The following NTM variants were observed in gnomAD, a reference collection of about 807,000 sequenced individuals.
NTM encodes the protein neurotrimin.
In NTM, 13 loss-of-function variants were observed where a neutral mutation model predicts 42.1. That is an observed-to-expected ratio of 0.31 (90% confidence interval 0.20 to 0.49). NTM has a LOEUF of 0.49. Ranked by LOEUF, NTM falls within the 20% of genes least tolerant of loss-of-function variation. The probability of loss-of-function intolerance (pLI) is 0.99; values close to 1 mark genes in which losing one functional copy is unlikely to be tolerated. For missense variants in NTM, 373 were observed against 452.8 expected, an observed-to-expected ratio of 0.82 and a Z score of 1.60; for synonymous variants, 187 against 179.2, an observed-to-expected ratio of 1.04 and a Z score of -0.35.
At chr11:131,537,425 T>C (rs2052444983) in intron 1 of NTM, 1 of 152,174 alleles carries the variant, frequency 6.6e-6, no homozygotes, top group Non-Finnish European at 1.5e-5. Flanking sequence ...GCGCAGGGTA[T>C]AAGCAACTTG....
chr11:131,928,130 TA>T (rs1854769230), intron 2 of NTM, among the ~76,000 whole-genome samples: 1 of 152,026 alleles, frequency 6.6e-6, no homozygotes, highest in African/African-American at 2.4e-5. Context: ...ATATTAATAA[TA>T]ACAACAGAAA....
intron 1 of NTM, among the ~76,000 whole-genome samples, chr11:131,384,014 T>C (rs1943016424): frequency 6.6e-6 from 1 of 152,078 alleles, no homozygotes; most frequent in Admixed American, 6.5e-5. Flanking sequence ...GGATAAGTAA[T>C]AAAGAAAGTG....
At chr11:132,049,989 T>C (rs1235246909) in intron 2 of NTM, among the ~76,000 whole-genome samples, 1 of 152,120 alleles carries the variant, frequency 6.6e-6, no homozygotes, top group Non-Finnish European at 1.5e-5. Flanking sequence ...ATGCAGTGTC[T>C]CTCTCCCAGC....
At chr11:132,147,794 A>G (rs1189236183) in intron 3 of NTM, among the ~76,000 whole-genome samples, 2 of 152,098 alleles carry the variant, frequency 1.3e-5, no homozygotes, top group Non-Finnish European at 2.9e-5. Flanking sequence ...CGGTGTGTTC[A>G]AGAAAAGGGT....
chr11:132,223,276 C>T (rs2085524647), intron 4 of NTM, among the ~76,000 whole-genome samples: 1 of 152,180 alleles, frequency 6.6e-6, no homozygotes, highest in African/African-American at 2.4e-5. Context: ...AGAAAATCAA[C>T]ACATGGCTGA....
chr11:131,874,218 G>A (rs1011206564), intron 1 of NTM, among the ~76,000 whole-genome samples: 2 of 150,974 alleles, frequency 1.3e-5, no homozygotes, highest in South Asian at 2.1e-4. Context: ...CACCTCTCCT[G>A]CACACAAATG....
At chr11:131,638,858 C>G (rs1454466903) in intron 1 of NTM, among the ~76,000 whole-genome samples, 1 of 150,894 alleles carries the variant, frequency 6.6e-6, no homozygotes, top group Non-Finnish European at 1.5e-5. Context: ...TCCCTGTACA[C>G]CATATGAAAA....
chr11:132,105,997 T>G (rs2062326600), intron 2 of NTM, among the ~76,000 whole-genome samples: 1 of 152,188 alleles, frequency 6.6e-6, no homozygotes, highest in Non-Finnish European at 1.5e-5. Flanking sequence ...AGCTTAAACC[T>G]AAGTCAATTT....
rs111564689 is a variant in NTM at position 131,568,549 on chromosome 11, G to A, written c.82+197661G>A. Reference sequence around the variant, plus strand: ...AGAGACCTTTGCATAGTTTTGATTGGTCAGATGTGAAAAGAGGGTAGTCTT... The same window carrying A: ...AGAGACCTTTGCATAGTTTTGATTGATCAGATGTGAAAAGAGGGTAGTCTT... On this transcript the variant is annotated intron_variant, in intron 1 of 8. Coordinates refer to ENST00000683400, the MANE Select transcript of NTM (RefSeq NM_001352005.2). 5.4e-3 allele frequency among the ~76,000 whole-genome samples: 825 copies of A among 152,220 alleles called. 4 individuals carry two copies. The highest frequency in any genetic ancestry group is 9.0e-3 in the Non-Finnish European group (612 of 68,016).
At chr11:132,259,786 G>T (rs1203472567) in intron 4 of NTM, among the ~76,000 whole-genome samples, 2 of 151,962 alleles carry the variant, frequency 1.3e-5, no homozygotes, top group African/African-American at 4.8e-5. Flanking sequence ...GTCTCTCTCT[G>T]TCGCCCAGGC....
At chr11:131,950,040 A>G (rs1297029832) in intron 2 of NTM, among the ~76,000 whole-genome samples, 1 of 152,114 alleles carries the variant, frequency 6.6e-6, no homozygotes, top group African/African-American at 2.4e-5. Flanking sequence ...GCTTGACCAT[A>G]TTCAGTGAAT....
chr11:131,370,765 C>T lies in NTM; in HGVS notation c.-42C>T, dbSNP rs754900198. ...TCAGGAAAGAAAGAAAGAAAAAAAC[C>T]GAACCTGACAAAAAAGAAGAAAAAG... On this transcript the variant is annotated 5_prime_UTR_variant, in exon 1 of 9. Transcript: ENST00000683400. 17 of 1,547,854 alleles carry T rather than the reference C, an allele frequency of 1.1e-5. No homozygotes were observed. Among genetic ancestry groups the T allele is most frequent in the Non-Finnish European group, 1.4e-5 (16 of 1,126,790 alleles).
At chr11:132,090,933 AG>A (rs1566134551) in intron 2 of NTM, among the ~76,000 whole-genome samples, 1 of 152,254 alleles carries the variant, frequency 6.6e-6, no homozygotes, top group Admixed American at 6.5e-5. Context: ...TACCAAAAAA[AG>A]TGACAGTCCT....
At position 132,293,960 on chromosome 11, in the gene NTM, C is replaced by A. The variant is rs1209564888; in HGVS notation, c.527-13729C>A. On this transcript the variant is annotated intron_variant, in intron 4 of 8. Coordinates refer to ENST00000683400, the MANE Select transcript of NTM (RefSeq NM_001352005.2). ...GAAAACGTTGGCTGACCCTATTTTA[C>A]AGAATTGGTTATGGAAGTCTCCTGG... 3.3e-5 allele frequency among the ~76,000 whole-genome samples: 5 copies of A among 152,090 alleles called. No homozygotes were observed. In the East Asian group the frequency reaches 9.7e-4, roughly 29 times the overall value.
chr11:132,271,152 A>T (rs2093459387), intron 4 of NTM, among the ~76,000 whole-genome samples: 1 of 152,108 alleles, frequency 6.6e-6, no homozygotes, highest in Non-Finnish European at 1.5e-5. Context: ...TGTTCGGTTT[A>T]TATCTTTTGT....
In NTM at chr11:131,961,092, C is replaced by T. The variant is rs116577921; in HGVS notation, c.167+49444C>T. 9.9e-3 allele frequency among the ~76,000 whole-genome samples: 1,501 copies of T among 152,250 alleles called. 21 individuals are homozygous for T. The highest frequency in any genetic ancestry group is 0.031 in the African/African-American group (1,298 of 41,536). On this transcript the variant is annotated intron_variant, in intron 2 of 8. Coordinates refer to ENST00000683400, the MANE Select transcript of NTM (RefSeq NM_001352005.2). ...TGAGTCCCCTAGATCCTTTTGTAGC[C>T]AGGTTGCTACCCAAAGGGTGGGCCA...
At chr11:131,441,758 A>G (rs564431012) in intron 1 of NTM, among the ~76,000 whole-genome samples, 1 of 152,232 alleles carries the variant, frequency 6.6e-6, no homozygotes, top group Non-Finnish European at 1.5e-5. Flanking sequence ...CATTGAATTC[A>G]CAGACTGGAA....
chr11:131,966,398 A>G (rs1434684126), intron 2 of NTM, among the ~76,000 whole-genome samples: 2 of 152,198 alleles, frequency 1.3e-5, no homozygotes, highest in African/African-American at 4.8e-5. Context: ...ATAATACATG[A>G]ATAAAGTCTA....
intron 4 of NTM, among the ~76,000 whole-genome samples, chr11:132,234,521 T>C (rs1467717519): frequency 6.6e-6 from 1 of 152,200 alleles, no homozygotes; most frequent in African/African-American, 2.4e-5. Flanking sequence ...ATGCCTTAAG[T>C]TGACCAGAAG....
Sources: allele counts gnomAD v4.1 joint callset (sites outside exome capture counted in the v4.1 genomes callset), GRCh38; gene constraint gnomAD v4.1.1; transcripts MANE v1.5; gene names NCBI Gene and HGNC (gene_info 2026-07-23, HGNC 2026-07-21).